MSI2: variants seen among roughly 807,000 people sequenced by gnomAD.
MSI2 encodes the protein RNA-binding protein Musashi homolog 2.
MSI2 carries 17 observed loss-of-function variants against 45.6 expected under a neutral mutation model. The observed-to-expected ratio is 0.37, with a 90% CI of 0.26 to 0.56. MSI2 has a LOEUF of 0.56. Ranked by LOEUF, MSI2 falls within the 20% of genes least tolerant of loss-of-function variation. The pLI is 0.77. For synonymous variants in MSI2, 156 were observed against 158.2 expected, an observed-to-expected ratio of 0.99 and a Z score of 0.11; for missense variants, 293 against 444.2, an observed-to-expected ratio of 0.66 and a Z score of 3.06.
chr17:57,672,097 A>C (rs951045222), intron 11 of MSI2, among the ~76,000 whole-genome samples: 2 of 152,226 alleles, frequency 1.3e-5, no homozygotes, highest in Non-Finnish European at 2.9e-5. Context: ...GGGACCCAGC[A>C]GCCCTGTCTT....
chr17:57,584,937 C>A (rs959334516), intron 7 of MSI2, among the ~76,000 whole-genome samples: 2 of 152,016 alleles, frequency 1.3e-5, no homozygotes, highest in African/African-American at 4.8e-5. Flanking sequence ...TTCTACTCAG[C>A]CTCCTGAGTA....
At chr17:57,469,840 T>C (rs2085399911) in intron 6 of MSI2, among the ~76,000 whole-genome samples, 1 of 152,252 alleles carries the variant, frequency 6.6e-6, no homozygotes, top group Admixed American at 6.5e-5. Flanking sequence ...TTCCACTGCT[T>C]GTAGCCCTGG....
chr17:57,518,341 C>A (rs111232989), intron 6 of MSI2, among the ~76,000 whole-genome samples: 1 of 152,172 alleles, frequency 6.6e-6, no homozygotes, highest in Non-Finnish European at 1.5e-5. Context: ...CCTCCCCAGG[C>A]GTATGGCTGC....
At chr17:57,411,520 T>C (rs1436457626) in intron 6 of MSI2, among the ~76,000 whole-genome samples, 1 of 152,128 alleles carries the variant, frequency 6.6e-6, no homozygotes, top group East Asian at 1.9e-4. Flanking sequence ...TTATCCCTAT[T>C]TTAAAATTAG....
At chr17:57,361,623 A>AAAG (rs1916821371) in intron 5 of MSI2, among the ~76,000 whole-genome samples, 1 of 151,108 alleles carries the variant, frequency 6.6e-6, no homozygotes, top group Non-Finnish European at 1.5e-5. Context: ...AAAAAAAAAA[A>AAAG]GGAAAATCAT....
At chr17:57,327,439 G>A (rs1567759216) in intron 5 of MSI2, among the ~76,000 whole-genome samples, 1 of 152,184 alleles carries the variant, frequency 6.6e-6, no homozygotes, top group Non-Finnish European at 1.5e-5. Context: ...GAGTCCTGTG[G>A]CTTTCAGCCC....
chr17:57,570,978 C>G (rs373102961), intron 7 of MSI2, among the ~76,000 whole-genome samples: 39 of 152,288 alleles, frequency 2.6e-4, no homozygotes, highest in African/African-American at 9.4e-4. Context: ...GGCCCCTCCC[C>G]CTGCAGATTT....
intron 8 of MSI2, among the ~76,000 whole-genome samples, chr17:57,606,811 C>T (rs997604047): frequency 2.1e-4 from 32 of 149,270 alleles, no homozygotes; most frequent in African/African-American, 7.7e-4. Flanking sequence ...AAGCTAGCAT[C>T]GGGAAAGGCT....
chr17:57,642,208 G>T (rs955529501), intron 10 of MSI2, among the ~76,000 whole-genome samples: 1 of 152,094 alleles, frequency 6.6e-6, no homozygotes, highest in Non-Finnish European at 1.5e-5. Flanking sequence ...CAGCTCAGTA[G>T]TTTTTTTTAA....
Position 57,256,805 on chromosome 17 carries a change from G to C in MSI2, c.62+1G>C. The C allele has an allele frequency of 6.8e-7, 1 of 1,472,194 alleles. No homozygotes were observed. Among genetic ancestry groups the C allele is most frequent in the Non-Finnish European group, 9.0e-7 (1 of 1,113,772 alleles). 91.2% of individuals were successfully genotyped at this position (1,472,194 alleles called of 1,614,324 possible). On this transcript the variant is annotated splice_donor_variant, in intron 1 of 13. Transcript: ENST00000284073. LOFTEE classifies it high-confidence loss of function. ...CCAACGACTCCCAGCACGACCCCGGGTAAGTTTCCAGCCGCTGCCCACCGC... is the reference window on the plus strand; with the variant it reads ...CCAACGACTCCCAGCACGACCCCGGCTAAGTTTCCAGCCGCTGCCCACCGC...
chr17:57,355,867 A>G (rs1477489784), intron 5 of MSI2, among the ~76,000 whole-genome samples: 2 of 152,246 alleles, frequency 1.3e-5, no homozygotes, highest in Non-Finnish European at 2.9e-5. Flanking sequence ...AGTGGCATTT[A>G]GATGACATAG....
At chr17:57,697,301 A>C in the MSI2 span, among the ~76,000 whole-genome samples, 18 of 151,536 alleles carry the variant, frequency 1.2e-4, no homozygotes, top group African/African-American at 4.4e-4. Context: ...ACACACTCAC[A>C]TGGACCCACT....
chr17:57,378,525 G>C (rs2083541814), intron 5 of MSI2, among the ~76,000 whole-genome samples: 1 of 152,092 alleles, frequency 6.6e-6, no homozygotes. Flanking sequence ...GCCTCCCAAA[G>C]TGCTGGGATT....
chr17:57,391,464 C>G (rs1184018790), intron 5 of MSI2, among the ~76,000 whole-genome samples: 1 of 152,158 alleles, frequency 6.6e-6, no homozygotes, highest in East Asian at 1.9e-4. Context: ...CATAGGTGTG[C>G]TTGAAAATGG....
In MSI2 at chr17:57,407,310, G is replaced by A. The variant is rs936225447; in HGVS notation, c.405+5839G>A. Reference sequence around the variant, plus strand: ...GTGCAGGTGCGAAGCTGCATTCATGGCCCCCACTCAGACACCCCTTTTGAT... The same window carrying A: ...GTGCAGGTGCGAAGCTGCATTCATGACCCCCACTCAGACACCCCTTTTGAT... On this transcript the variant is annotated intron_variant, in intron 6 of 13. Transcript: ENST00000284073. This position sits in a 1 kb window ranked among gnomAD's most constrained non-coding sequence, Gnocchi z 4.1. Among the ~76,000 whole-genome samples the A allele has an allele frequency of 1.3e-5, 2 of 152,042 alleles. No individual in the cohort carries two copies. Among genetic ancestry groups the A allele is most frequent in the Non-Finnish European group, 2.9e-5 (2 of 68,006 alleles).
At chr17:57,568,668 C>T (rs896105814) in intron 7 of MSI2, among the ~76,000 whole-genome samples, 11 of 152,222 alleles carry the variant, frequency 7.2e-5, no homozygotes, top group African/African-American at 2.7e-4. Flanking sequence ...ACACTAAACC[C>T]GGTTTACTGC....
rs527377162 is a variant in MSI2, at chr17:57,304,296, G to A, written c.312+42104G>A. Among the ~76,000 whole-genome samples, 316 of 148,268 alleles carry A rather than the reference G, an allele frequency of 2.1e-3. 1 individual carries two copies. Among genetic ancestry groups the A allele is most frequent in the African/African-American group, 7.5e-3 (303 of 40,232 alleles). On this transcript the variant is annotated intron_variant, in intron 5 of 13. Coordinates refer to ENST00000284073, the MANE Select transcript of MSI2 (RefSeq NM_138962.4). ...CGCTTGAACCCAGGAGGTGGAGGTT[G>A]CGGTGAGCCGAGATTGCACCACTGC...
At chr17:57,663,763 TCTTCA>T (rs1157529654) in intron 11 of MSI2, among the ~76,000 whole-genome samples, 1 of 152,134 alleles carries the variant, frequency 6.6e-6, no homozygotes, top group Non-Finnish European at 1.5e-5. Flanking sequence ...AGTCGTTAAG[TCTTCA>T]ATGGAGGTAG....
intron 8 of MSI2, among the ~76,000 whole-genome samples, chr17:57,603,953 C>T (rs1906220943): frequency 6.6e-6 from 1 of 152,242 alleles, no homozygotes; most frequent in African/African-American, 2.4e-5. Flanking sequence ...GGGGGTGCCC[C>T]AAACAGGCAC....
Sources: allele counts gnomAD v4.1 joint callset (sites outside exome capture counted in the v4.1 genomes callset), GRCh38; gene constraint gnomAD v4.1.1; non-coding constraint Gnocchi (gnomAD v3.1); transcripts MANE v1.5; gene names NCBI Gene and HGNC (gene_info 2026-07-23, HGNC 2026-07-21).